RAB40B: variants seen among roughly 807,000 people sequenced by gnomAD.
RAB40B encodes the protein ras-related protein Rab-40B.
A neutral mutation model predicts 24.0 loss-of-function variants in RAB40B; 21 were observed. That is an observed-to-expected ratio of 0.88 (90% CI 0.62 to 1.26). The LOEUF is 1.26. RAB40B is among the 50% of genes most tolerant of loss of function. The probability of loss-of-function intolerance (pLI) is 0.00; values close to 1 mark genes in which losing one functional copy is unlikely to be tolerated. For synonymous variants in RAB40B, 167 were observed against 169.8 expected, an observed-to-expected ratio of 0.98 and a Z score of 0.13; for missense variants, 348 against 390.5, an observed-to-expected ratio of 0.89 and a Z score of 0.92.
At position 82,692,363 on chromosome 17, in the gene RAB40B, G is replaced by C. The variant is rs1370716493; in HGVS notation, c.142+6092C>G. Among the ~76,000 whole-genome samples the C allele has an allele frequency of 1.3e-5, 2 of 152,342 alleles. No individual in the cohort carries two copies. The highest frequency in any genetic ancestry group is 4.8e-5 in the African/African-American group (2 of 41,564). On this transcript the variant is annotated intron_variant, in intron 1 of 5. Transcript: ENST00000571995. The surrounding 1 kb of genome is among the most constrained non-coding windows in gnomAD (Gnocchi z 4.0). ...GAGAGGAAGACAAACGCCCAGGAGG[G>C]AGAATCCAGGCCTCGCTGACCGTAT...
At chr17:82,659,492 T>A in intron 4 of RAB40B, 88 bp downstream of exon 4, 1 of 1,346,236 alleles carries the variant, frequency 7.4e-7, no homozygotes. Flanking sequence ...TGGGTACCCA[T>A]GAGCCCTGGA....
intron 1 of RAB40B, among the ~76,000 whole-genome samples, chr17:82,671,531 C>T (rs2046335885): frequency 6.7e-6 from 1 of 148,748 alleles, no homozygotes; most frequent in African/African-American, 2.5e-5. Flanking sequence ...AACTCTAACA[C>T]ACACACTCAC....
At chr17:82,668,740 C>T (rs892952725) in intron 1 of RAB40B, among the ~76,000 whole-genome samples, 1 of 152,256 alleles carries the variant, frequency 6.6e-6, no homozygotes, top group Non-Finnish European at 1.5e-5. Flanking sequence ...CCTTCCCAGG[C>T]CTCCAAGAGC....
intron 2 of RAB40B, chr17:82,661,939 C>T (rs558418843): frequency 1.0e-6 from 1 of 983,616 alleles, no homozygotes; most frequent in African/African-American, 1.8e-5. Flanking sequence ...GGAAAGGGTG[C>T]TCCCCAGGGA....
In RAB40B at chr17:82,663,320, G is replaced by A. The variant is rs895485857; in HGVS notation, c.203+1176C>T. The stretch of plus-strand genomic sequence containing the variant: ...ACGTGGCTCGGGGGTGGCCCAGCAG[G>A]CAGGAAGGGCCAGGAGGCTCAGGCG... On this transcript the variant is annotated intron_variant, in intron 2 of 5. Coordinates refer to ENST00000571995, the MANE Select transcript of RAB40B (RefSeq NM_006822.3). This position sits in a 1 kb window ranked among gnomAD's most constrained non-coding sequence, Gnocchi z 6.2. Among the ~76,000 whole-genome samples, 1 of 152,112 alleles carries A rather than the reference G, an allele frequency of 6.6e-6. No homozygotes were observed. The highest frequency in any genetic ancestry group is 1.5e-5 in the Non-Finnish European group (1 of 67,980).
At position 82,688,903 on chromosome 17, in the gene RAB40B, C is replaced by T. The variant is rs569241477; in HGVS notation, c.142+9552G>A. 2.5e-3 allele frequency among the ~76,000 whole-genome samples: 373 copies of T among 152,204 alleles called. 1 individual carries two copies. The highest frequency in any genetic ancestry group is 3.0e-3 in the Non-Finnish European group (207 of 68,026). ...GAGCCAAGATCGCACCACTGCACTC[C>T]AGCCTGAGCAACAGAGTAAGACTCT... On this transcript the variant is annotated intron_variant, in intron 1 of 5. Coordinates refer to ENST00000571995, the MANE Select transcript of RAB40B (RefSeq NM_006822.3).
At chr17:82,674,579 C>T (rs573395605) in intron 1 of RAB40B, among the ~76,000 whole-genome samples, 5 of 149,532 alleles carry the variant, frequency 3.3e-5, no homozygotes, top group South Asian at 4.2e-4. Flanking sequence ...GCGGAGCTTG[C>T]AGTGAGCCGA....
chr17:82,689,136 G>T (rs1374221276), intron 1 of RAB40B, among the ~76,000 whole-genome samples: 1 of 152,240 alleles, frequency 6.6e-6, no homozygotes, highest in Non-Finnish European at 1.5e-5. Context: ...CATACCAGCT[G>T]ATTCCACTGT....
chr17:82,670,404 C>T (rs1400699191), intron 1 of RAB40B, among the ~76,000 whole-genome samples: 4 of 151,952 alleles, frequency 2.6e-5, no homozygotes, highest in East Asian at 3.9e-4. Context: ...AGGTTGGTTG[C>T]GAACTCCTGA....
Position 82,698,571 on chromosome 17 carries a change from C to A in RAB40B, c.26G>T (p.Arg9Leu), listed in dbSNP as rs1179704082. ...GAACTTGAGCAGAAAGTCGTAGGCCCGGACCGGGCTGCCCAGGGCGCTCAT... is the reference window on the plus strand; with the variant it reads ...GAACTTGAGCAGAAAGTCGTAGGCCAGGACCGGGCTGCCCAGGGCGCTCAT... MSALGSPVRAYDFLLKFLL... is the reference protein window; with the variant it reads MSALGSPVLAYDFLLKFLL... Residue 9 changes from arginine (R) to leucine (L), a missense_variant, in exon 1 of 6, where the codon CGG becomes CTG. By Grantham distance (102) the Arg-to-Leu change is moderately radical. Transcript: ENST00000571995. The A allele has an allele frequency of 6.6e-7, 1 of 1,507,924 alleles. No individual in the cohort carries two copies. 93.4% of individuals were successfully genotyped at this position (1,507,924 alleles called of 1,614,324 possible). A position where few individuals can be genotyped will look rare whatever the true frequency, so the allele number is the denominator to read the frequency against.
Position 82,697,695 on chromosome 17 carries a change from C to T in RAB40B, c.142+760G>A, listed in dbSNP as rs1157384553. Among the ~76,000 whole-genome samples the T allele has an allele frequency of 6.6e-6, 1 of 152,222 alleles. No homozygotes were observed. Among genetic ancestry groups the T allele is most frequent in the Non-Finnish European group, 1.5e-5 (1 of 68,040 alleles). On this transcript the variant is annotated intron_variant, in intron 1 of 5. Transcript: ENST00000571995. The surrounding 1 kb of genome is among the most constrained non-coding windows in gnomAD (Gnocchi z 4.9). ...CCCTTCTCCTGGGTTCCTGCCCCCG[C>T]CTTTCTTTCCCCGGAGCCGTCCACC...
intron 1 of RAB40B, among the ~76,000 whole-genome samples, chr17:82,665,725 G>T (rs1406161694): frequency 6.6e-6 from 1 of 151,956 alleles, no homozygotes; most frequent in Non-Finnish European, 1.5e-5. Context: ...AAATTAGCCG[G>T]GTGTGGTGGC....
At chr17:82,658,378 GAC>G (rs1478047033) in intron 5 of RAB40B, 111 bp downstream of exon 5, 1 of 1,271,170 alleles carries the variant, frequency 7.9e-7, no homozygotes, top group Non-Finnish European at 1.1e-6. Context: ...TCTGAGAACG[GAC>G]ACAGTGGCCT....
chr17:82,698,664 C>T lies in RAB40B; in HGVS notation c.-68G>A. On this transcript the variant is annotated 5_prime_UTR_variant, in exon 1 of 6. Coordinates refer to ENST00000571995, the MANE Select transcript of RAB40B (RefSeq NM_006822.3). ...TGAGCGCAGAGGCGGCGGCCCGGCC[C>T]CGAGAGGCGCCGCGCGGGCCCCGAG... 8.8e-7 allele frequency: 1 copy of T among 1,132,272 alleles called. No individual in the cohort carries two copies. The highest frequency in any genetic ancestry group is 1.1e-6 in the Non-Finnish European group (1 of 913,108). 70.1% of individuals were successfully genotyped at this position (1,132,272 alleles called of 1,614,324 possible). A position where few individuals can be genotyped will look rare whatever the true frequency, so the allele number is the denominator to read the frequency against.
intron 1 of RAB40B, among the ~76,000 whole-genome samples, chr17:82,682,446 C>G (rs538789167): frequency 3.5e-4 from 53 of 152,270 alleles, no homozygotes; most frequent in African/African-American, 1.3e-3. Context: ...ATACCATGTT[C>G]ATGATTGACA....
intron 1 of RAB40B, among the ~76,000 whole-genome samples, chr17:82,681,211 C>T (rs2046446670): frequency 6.6e-6 from 1 of 151,862 alleles, no homozygotes; most frequent in South Asian, 2.1e-4. Context: ...AATGAGCTCC[C>T]CCACCCCCAA....
Position 82,697,055 on chromosome 17 carries a change from C to G in RAB40B, c.142+1400G>C, listed in dbSNP as rs1273377738. 6.6e-6 allele frequency among the ~76,000 whole-genome samples: 1 copy of G among 152,070 alleles called. No homozygotes were observed. The highest frequency in any genetic ancestry group is 2.4e-5 in the African/African-American group (1 of 41,398). On this transcript the variant is annotated intron_variant, in intron 1 of 5. Coordinates refer to ENST00000571995, the MANE Select transcript of RAB40B (RefSeq NM_006822.3). This position sits in a 1 kb window ranked among gnomAD's most constrained non-coding sequence, Gnocchi z 4.9. Reference sequence around the variant, plus strand: ...CTCCCCTCCTGCCCCACGGAGCACACTCTGCACCCACCAGCTGCCAGAGAC... The same window carrying G: ...CTCCCCTCCTGCCCCACGGAGCACAGTCTGCACCCACCAGCTGCCAGAGAC...
Position 82,684,852 on chromosome 17 carries a change from G to A in RAB40B, c.142+13603C>T, listed in dbSNP as rs8080937. On this transcript the variant is annotated intron_variant, in intron 1 of 5. Transcript: ENST00000571995. The stretch of plus-strand genomic sequence containing the variant: ...GACGGGGCCAGGCACGGTGGCCCAC[G>A]CCTGTAATCCTAGAACTCTGGGAGG... Among the ~76,000 whole-genome samples, 267 of 152,254 alleles carry A rather than the reference G, an allele frequency of 1.8e-3. 4 individuals carry two copies. The South Asian group carries it at 0.018, about 10-fold the overall frequency.
intron 5 of RAB40B, 26 bp downstream of exon 5, chr17:82,658,465 G>A (rs1568027651): frequency 2.5e-6 from 4 of 1,607,468 alleles, no homozygotes; most frequent in Non-Finnish European, 2.5e-6. Context: ...GGCAGAGGTG[G>A]CCCCCGGAAT....
Sources: gnomAD v4.1 joint callset for allele counts (sites outside exome capture counted in the v4.1 genomes callset) on GRCh38, gnomAD v4.1.1 for gene constraint, Gnocchi (gnomAD v3.1) non-coding constraint, MANE v1.5 for transcripts, NCBI Gene and HGNC (gene_info 2026-07-23, HGNC 2026-07-21) for gene names.